The following GCN1 variants were observed in gnomAD, a reference collection of about 807,000 sequenced individuals.
The protein encoded by GCN1 is stalled ribosome sensor GCN1.
A neutral mutation model predicts 288.4 loss-of-function variants in GCN1; 90 were observed. That is an observed-to-expected ratio of 0.31 (90% CI 0.26 to 0.37). The LOEUF (loss-of-function observed/expected upper bound fraction) is 0.37. Among genes scored for constraint, GCN1 ranks in the 10% least tolerant of loss-of-function variants. The pLI is 1.00. For synonymous variants in GCN1, 1,386 were observed against 1,420.2 expected (o/e 0.98, Z 0.54); for missense variants, 2,586 against 3,419.9 (o/e 0.76, Z 6.08).
chr12:120,171,957 G>A (rs923513657), intron 14 of GCN1, among the ~76,000 whole-genome samples: 6 of 152,178 alleles, frequency 3.9e-5, no homozygotes, highest in African/African-American at 1.4e-4. Context: ...GAACTCCTGG[G>A]CTCAAGCAAT....
intron 16 of GCN1, among the ~76,000 whole-genome samples, chr12:120,167,292 C>T (rs577078120): frequency 2.1e-5 from 3 of 142,104 alleles, no homozygotes; most frequent in African/African-American, 5.2e-5. Context: ...GGAGAGGTTG[C>T]GGTGGGCTGA....
At chr12:120,174,478 C>T (rs1480538721) in intron 12 of GCN1, among the ~76,000 whole-genome samples, 2 of 152,136 alleles carry the variant, frequency 1.3e-5, no homozygotes, top group African/African-American at 2.4e-5. Flanking sequence ...CTTCGCCTTA[C>T]CTAAGAATTA....
chr12:120,166,445 A>G (rs184847358), intron 16 of GCN1, among the ~76,000 whole-genome samples: 10 of 144,848 alleles, frequency 6.9e-5, no homozygotes, highest in African/African-American at 2.6e-4. Context: ...TGGCTCACGC[A>G]TGTAATCCCA....
At position 120,177,110 on chromosome 12, in the gene GCN1, T is replaced by C. The variant is rs534510601; in HGVS notation, c.838+337A>G. Among the ~76,000 whole-genome samples, 54 of 152,186 alleles carry C rather than the reference T, an allele frequency of 3.5e-4. 1 individual carries two copies. Among genetic ancestry groups the C allele is most frequent in the Middle Eastern group, 3.4e-3 (1 of 294 alleles). ...GTCTCACTCTGTCACTCAGGCTGGA[T>C]AGAGTGCAGTGTCGCCATCTTGGCT... On this transcript the variant is annotated intron_variant, in intron 9 of 57. Coordinates refer to ENST00000300648, the MANE Select transcript of GCN1 (RefSeq NM_006836.2).
chr12:120,151,435 C>T (rs2286047), intron 33 of GCN1, 44 bp from the exon 34 acceptor site: 5 of 1,603,834 alleles, frequency 3.1e-6, no homozygotes, highest in Admixed American at 1.7e-5. Flanking sequence ...CCGCTGCAGC[C>T]GTTTCATGGT....
intron 53 of GCN1, among the ~76,000 whole-genome samples, chr12:120,133,502 A>G (rs1458713294): frequency 6.6e-6 from 1 of 152,092 alleles, no homozygotes; most frequent in African/African-American, 2.4e-5. Flanking sequence ...CTCACCCTCG[A>G]AAATAGACCT....
chr12:120,153,068 C>T lies in GCN1; in HGVS notation c.4062+145G>A, dbSNP rs1249363200. ...TTCCTGACTATAAACCAGGCTCTCC[C>T]CTGCGAGAGGGGGTGAATCCTTAAC... On this transcript the variant is annotated intron_variant, in intron 33 of 57. Transcript: ENST00000300648. This position sits in a 1 kb window ranked among gnomAD's most constrained non-coding sequence, Gnocchi z 4.4. 4.6e-6 allele frequency: 3 copies of T among 654,766 alleles called. No individual in the cohort carries two copies. Among genetic ancestry groups the T allele is most frequent in the Admixed American group, 5.7e-5 (2 of 35,060 alleles). 40.6% of individuals were successfully genotyped at this position (654,766 alleles called of 1,614,324 possible). A position where few individuals can be genotyped will look rare whatever the true frequency, so the allele number is the denominator to read the frequency against.
rs1346188411 is a variant in GCN1 at position 120,155,468 on chromosome 12, A to G, written c.3441-38T>C. On this transcript the variant is annotated intron_variant, in intron 29 of 57. Transcript: ENST00000300648. The surrounding 1 kb of genome is among the most constrained non-coding windows in gnomAD (Gnocchi z 4.9). ...CAAGGCAGGGGCTGCTTAGACAAAG[A>G]TCTGCAGCACTTGCCCTGCCAGCCC... 3 of 1,605,592 alleles carry G rather than the reference A, an allele frequency of 1.9e-6. No individual in the cohort carries two copies. Among genetic ancestry groups the G allele is most frequent in the African/African-American group, 2.7e-5 (2 of 74,790 alleles).
intron 56 of GCN1, 61 bp from the exon 57 acceptor site, chr12:120,129,555 C>A: frequency 8.1e-7 from 1 of 1,229,162 alleles, no homozygotes; most frequent in Admixed American, 1.7e-5. Flanking sequence ...TTGAAGCAGC[C>A]CAAATGCCCA....
rs188061610 is a variant in GCN1 at position 120,131,131 on chromosome 12, G to A, written c.7563+54C>T. 17 of 1,554,358 alleles carry A rather than the reference G, an allele frequency of 1.1e-5. No homozygotes were observed. In the East Asian group the frequency reaches 3.4e-4, roughly 31 times the overall value. On this transcript the variant is annotated intron_variant, in intron 55 of 57. Coordinates refer to ENST00000300648, the MANE Select transcript of GCN1 (RefSeq NM_006836.2). ...GGTCCACCCGCGCTGTGTCCACAAG[G>A]TGCTGCCTATGGGATGTGGCCTATG...
intron 55 of GCN1, 94 bp from the exon 56 acceptor site, chr12:120,130,847 C>A: frequency 1.4e-6 from 1 of 725,392 alleles, no homozygotes; most frequent in Non-Finnish European, 2.4e-6. Context: ...GGACCCTCCA[C>A]TACATCACCA....
At position 120,134,230 on chromosome 12, in the gene GCN1, C is replaced by G. The variant is rs952735077; in HGVS notation, c.7317+61G>C. 1 of 1,119,498 alleles carries G rather than the reference C, an allele frequency of 8.9e-7. No homozygotes were observed. The highest frequency in any genetic ancestry group is 1.5e-5 in the African/African-American group (1 of 65,648). 69.3% of individuals were successfully genotyped at this position (1,119,498 alleles called of 1,614,324 possible). On this transcript the variant is annotated intron_variant, in intron 53 of 57. Transcript: ENST00000300648. This position sits in a 1 kb window ranked among gnomAD's most constrained non-coding sequence, Gnocchi z 5.0. ...TCTAACACAAAGTGAAGAACTCAAC[C>G]TAAGGAGGAGGAGGGAAACCAGTGG...
Position 120,161,901 on chromosome 12 carries a change from T to C in GCN1, c.2321A>G (p.Tyr774Cys). Reference protein sequence around the residue: ...AIMQTPAGELYDKSIIQSAQQ... With the variant: ...AIMQTPAGELCDKSIIQSAQQ... ...TCACCTCTGAATGATGGATTTGTCA[T>C]ACAGCTCCCCAGCAGGGGTCTGCAT... Residue 774 changes from tyrosine (Y) to cysteine (C), a missense_variant, in exon 21 of 58, where the codon TAT becomes TGT. Around this residue, in one of 8 missense-constraint regions of GCN1, gnomAD observed 913 missense variants for 1,107.0 expected, o/e 0.82. Transcript: ENST00000300648. 1 of 1,614,130 alleles carries C rather than the reference T, an allele frequency of 6.2e-7. No homozygotes were observed. Among genetic ancestry groups the C allele is most frequent in the Non-Finnish European group, 8.5e-7 (1 of 1,180,036 alleles).
intron 15 of GCN1, 134 bp downstream of exon 15, chr12:120,170,035 G>A (rs761970155): frequency 2.7e-5 from 20 of 744,670 alleles, no homozygotes; most frequent in South Asian, 1.3e-4. Flanking sequence ...GGTTCATCCT[G>A]CAGATGACAA....
At chr12:120,178,795 G>A in intron 6 of GCN1, 36 bp from the exon 7 acceptor site, 2 of 1,613,884 alleles carry the variant, frequency 1.2e-6, no homozygotes, top group Non-Finnish European at 1.7e-6. Flanking sequence ...GTTTAAGATG[G>A]CAGTGGGGGA....
chr12:120,142,333 T>C lies in GCN1; in HGVS notation c.5829+174A>G, dbSNP rs1877222915. On this transcript the variant is annotated intron_variant, in intron 44 of 57. Transcript: ENST00000300648. This position sits in a 1 kb window ranked among gnomAD's most constrained non-coding sequence, Gnocchi z 4.9. Reference sequence around the variant, plus strand: ...AGAGCAAGACTCCACCTCAAAAAAATAAATAAAATAAAATTAATCAAAAAA... The same window carrying C: ...AGAGCAAGACTCCACCTCAAAAAAACAAATAAAATAAAATTAATCAAAAAA... Among the ~76,000 whole-genome samples, 1 of 151,948 alleles carries C rather than the reference T, an allele frequency of 6.6e-6. No homozygotes were observed. The highest frequency in any genetic ancestry group is 1.5e-5 in the Non-Finnish European group (1 of 68,004).
At chr12:120,163,592 G>A (rs147897068) in intron 18 of GCN1, among the ~76,000 whole-genome samples, 462 of 152,228 alleles carry the variant, frequency 3.0e-3, no homozygotes, top group Non-Finnish European at 4.5e-3. Flanking sequence ...AGTGGAACAC[G>A]GCACAAAGAG....
At chr12:120,162,400 A>G (rs998430041) in intron 20 of GCN1, among the ~76,000 whole-genome samples, 3 of 152,254 alleles carry the variant, frequency 2.0e-5, no homozygotes, top group Non-Finnish European at 4.4e-5. Flanking sequence ...AAGTCAGATT[A>G]ATCAGGGTCA....
chr12:120,194,331 G>A (rs987532657), intron 1 of GCN1, among the ~76,000 whole-genome samples: 5 of 152,382 alleles, frequency 3.3e-5, no homozygotes, highest in Admixed American at 1.3e-4. Context: ...GTTTAAGGAA[G>A]ACTTGGCGTT....
Sources: allele counts gnomAD v4.1 joint callset (sites outside exome capture counted in the v4.1 genomes callset), GRCh38; gene constraint gnomAD v4.1.1; regional missense constraint gnomAD v4.1.1; non-coding constraint Gnocchi (gnomAD v3.1); transcripts MANE v1.5; gene names NCBI Gene and HGNC (gene_info 2026-07-23, HGNC 2026-07-21).